The following DPP10 variants were observed in gnomAD, a reference collection of about 807,000 sequenced individuals.
DPP10 encodes inactive dipeptidyl peptidase 10.
DPP10 carries 33 observed loss-of-function variants against 120.9 expected under a neutral mutation model. That is an observed-to-expected ratio of 0.27 (90% CI 0.21 to 0.37). The LOEUF (loss-of-function observed/expected upper bound fraction) is 0.37. DPP10 is among the 10% of genes least tolerant of loss of function. The pLI, the probability that DPP10 is intolerant of heterozygous loss-of-function variation, is 1.00. For missense variants in DPP10, 816 were observed against 942.8 expected, an observed-to-expected ratio of 0.87 and a Z score of 1.76; for synonymous variants, 337 against 326.1, an observed-to-expected ratio of 1.03 and a Z score of -0.36.
At chr2:115,165,686 A>C (rs556541460) in intron 1 of DPP10, among the ~76,000 whole-genome samples, 1 of 152,168 alleles carries the variant, frequency 6.6e-6, no homozygotes. Context: ...CAATCAGACA[A>C]GGTTTAGAGT....
Position 114,838,906 on chromosome 2 carries a change from G to A in DPP10, c.60+396068G>A, listed in dbSNP as rs118084702. 8.0e-4 allele frequency among the ~76,000 whole-genome samples: 121 copies of A among 152,146 alleles called. No homozygotes were observed. In the East Asian group the frequency reaches 0.022, roughly 27 times the overall value. On this transcript the variant is annotated intron_variant, in intron 1 of 25. Coordinates refer to ENST00000410059, the MANE Select transcript of DPP10 (RefSeq NM_020868.6). ...CCTCATCTGTCTTCATGGAGATGTA[G>A]TTTTGTGTTTTAACATCTCTAAGAA...
At chr2:115,465,856 T>C (rs2074295885) in intron 3 of DPP10, among the ~76,000 whole-genome samples, 1 of 152,048 alleles carries the variant, frequency 6.6e-6, no homozygotes, top group South Asian at 2.1e-4. Context: ...TTGAAAATAA[T>C]AAGCACAACA....
chr2:115,658,595 G>A (rs1160344808), intron 5 of DPP10, among the ~76,000 whole-genome samples: 1 of 152,052 alleles, frequency 6.6e-6, no homozygotes, highest in Non-Finnish European at 1.5e-5. Flanking sequence ...AATAAATGTG[G>A]TGTTTGTGAA....
chr2:115,485,587 TTA>T (rs2075728849), intron 3 of DPP10, among the ~76,000 whole-genome samples: 2 of 80,490 alleles, frequency 2.5e-5, no homozygotes, highest in Non-Finnish European at 5.9e-5. Flanking sequence ...TAATTAAGTC[TTA>T]CTTTATGGTT....
intron 1 of DPP10, among the ~76,000 whole-genome samples, chr2:114,866,134 A>AATAT (rs1348442102): frequency 3.3e-5 from 5 of 151,102 alleles, no homozygotes; most frequent in Non-Finnish European, 7.4e-5. Context: ...TAAATAAATA[A>AATAT]ATAAATAAAT....
chr2:114,666,859 A>G (rs2105599704), intron 1 of DPP10, among the ~76,000 whole-genome samples: 1 of 152,366 alleles, frequency 6.6e-6, no homozygotes, highest in South Asian at 2.1e-4. Context: ...TAAATGTTTT[A>G]TATGTCTTAA....
intron 3 of DPP10, among the ~76,000 whole-genome samples, chr2:115,450,848 C>A (rs950899341): frequency 6.6e-6 from 1 of 151,864 alleles, no homozygotes; most frequent in Non-Finnish European, 1.5e-5. Context: ...TACATCTGTG[C>A]ACCATGTTAG....
intron 1 of DPP10, among the ~76,000 whole-genome samples, chr2:115,210,093 C>T (rs903572168): frequency 4.6e-5 from 7 of 152,082 alleles, no homozygotes; most frequent in Non-Finnish European, 7.3e-5. Context: ...CGTATGTATA[C>T]ATGTGCCATG....
intron 1 of DPP10, among the ~76,000 whole-genome samples, chr2:114,713,247 CA>C (rs1323414365): frequency 6.6e-6 from 1 of 152,098 alleles, no homozygotes; most frequent in Non-Finnish European, 1.5e-5. Context: ...TTCAGCTTCC[CA>C]AAGTGCTGGG....
intron 1 of DPP10, among the ~76,000 whole-genome samples, chr2:114,982,790 A>G (rs1034445602): frequency 1.3e-5 from 2 of 149,860 alleles, no homozygotes; most frequent in Admixed American, 6.6e-5. Context: ...TTTTTTTTGT[A>G]GAAATGGAGT....
intron 1 of DPP10, among the ~76,000 whole-genome samples, chr2:114,930,881 G>A (rs1696018727): frequency 1.3e-5 from 2 of 152,172 alleles, no homozygotes; most frequent in Non-Finnish European, 2.9e-5. Context: ...AACTAATAGA[G>A]TGAGAACTTA....
intron 1 of DPP10, among the ~76,000 whole-genome samples, chr2:114,977,633 A>G (rs1222302959): frequency 3.9e-5 from 6 of 152,118 alleles, no homozygotes; most frequent in African/African-American, 1.4e-4. Context: ...TCAAGAAAGC[A>G]ATCACTCTGA....
intron 1 of DPP10, among the ~76,000 whole-genome samples, chr2:115,308,599 A>C (rs1014744924): frequency 3.3e-5 from 5 of 151,862 alleles, no homozygotes; most frequent in Non-Finnish European, 5.9e-5. Flanking sequence ...CCCATCAACC[A>C]TACCTTTTTC....
intron 2 of DPP10, among the ~76,000 whole-genome samples, chr2:115,322,832 T>C (rs963218556): frequency 3.3e-5 from 5 of 152,202 alleles, no homozygotes; most frequent in African/African-American, 1.2e-4. Context: ...AATCGCATTA[T>C]GTATTATAAA....
intron 1 of DPP10, among the ~76,000 whole-genome samples, chr2:115,156,701 T>G (rs2051937714): frequency 6.6e-6 from 1 of 152,200 alleles, no homozygotes; most frequent in Non-Finnish European, 1.5e-5. Context: ...TTTTGAATCA[T>G]TAGGGAATCT....
chr2:114,822,454 A>T (rs1179155765), intron 1 of DPP10, among the ~76,000 whole-genome samples: 1 of 151,898 alleles, frequency 6.6e-6, no homozygotes, highest in Non-Finnish European at 1.5e-5. Context: ...GCTGCCACAA[A>T]GGTCTCTGAC....
chr2:114,779,265 T>G lies in DPP10; in HGVS notation c.60+336427T>G, dbSNP rs555537569. Among the ~76,000 whole-genome samples the G allele has an allele frequency of 3.9e-5, 6 of 152,236 alleles. 1 individual carries two copies. The highest frequency in any genetic ancestry group is 1.4e-4 in the African/African-American group (6 of 41,578). On this transcript the variant is annotated intron_variant, in intron 1 of 25. Transcript: ENST00000410059. ...CGAAGAGGTTTGTGTTTCATAAAGA[T>G]TAAGCTAACTATGAGGAAAAAACAG...
At chr2:115,085,858 T>C (rs1708650352) in intron 1 of DPP10, among the ~76,000 whole-genome samples, 1 of 152,214 alleles carries the variant, frequency 6.6e-6, no homozygotes, top group Admixed American at 6.5e-5. Flanking sequence ...CCAACTCCTA[T>C]ATGAGGACTA....
At chr2:114,707,910 C>A (rs1305208728) in intron 1 of DPP10, among the ~76,000 whole-genome samples, 1 of 152,148 alleles carries the variant, frequency 6.6e-6, no homozygotes, top group Non-Finnish European at 1.5e-5. Context: ...CCCAGGGGGA[C>A]TCTAAAACCT....
Sources: gnomAD v4.1 joint callset for allele counts (sites outside exome capture counted in the v4.1 genomes callset) on GRCh38, gnomAD v4.1.1 for gene constraint, MANE v1.5 for transcripts, NCBI Gene and HGNC (gene_info 2026-07-23, HGNC 2026-07-21) for gene names.